The following PAK3 variants were observed in gnomAD, a reference collection of about 807,000 sequenced individuals.
PAK3 encodes serine/threonine-protein kinase PAK 3.
In PAK3, 4 loss-of-function variants were observed where a neutral mutation model predicts 41.0. That is an observed-to-expected ratio of 0.10 (90% CI 0.05 to 0.22). PAK3 has a LOEUF of 0.22. Ranked by LOEUF, PAK3 falls within the 10% of genes least tolerant of loss-of-function variation. The probability of loss-of-function intolerance (pLI) is 1.00; values close to 1 mark genes in which losing one functional copy is unlikely to be tolerated. For missense variants in PAK3, 205 were observed against 409.9 expected (o/e 0.50, Z 4.32); for synonymous variants, 146 against 139.6 (o/e 1.05, Z -0.32).
intron 13 of PAK3, among the ~76,000 whole-genome samples, chrX:111,194,033 CAG>C (rs950778804): frequency 1.8e-5 from 2 of 111,245 alleles, no homozygotes; most frequent in Non-Finnish European, 3.8e-5. Context: ...AGCAAGGTTT[CAG>C]AGAGACCTGA....
At chrX:111,217,225 G>T in intron 17 of PAK3, 1 of 167,954 alleles carries the variant, frequency 6.0e-6, no homozygotes, top group Non-Finnish European at 9.7e-6. Context: ...GGGCAGAGCT[G>T]GGATATGAGC....
chrX:111,050,701 C>T (rs2092549180), intron 1 of PAK3, among the ~76,000 whole-genome samples: 2 of 112,291 alleles, frequency 1.8e-5, no homozygotes, highest in African/African-American at 6.5e-5. Context: ...TTATTCTACC[C>T]TCTTTCTTTG....
At chrX:111,129,428 GC>G (rs1030227814) in intron 5 of PAK3, among the ~76,000 whole-genome samples, 1 of 111,298 alleles carries the variant, frequency 9.0e-6, no homozygotes, top group African/African-American at 3.3e-5. Flanking sequence ...GGAAATCACT[GC>G]CCTGCCCTTT....
chrX:111,147,499 C>T (rs1603301381), intron 6 of PAK3, among the ~76,000 whole-genome samples: 2 of 110,216 alleles, frequency 1.8e-5, no homozygotes, highest in Middle Eastern at 4.7e-3. Flanking sequence ...TTTTCTATCA[C>T]AGTCATACTC....
At chrX:110,967,974 A>T (rs1040750834) in intron 1 of PAK3, among the ~76,000 whole-genome samples, 1 of 112,355 alleles carries the variant, frequency 8.9e-6, no homozygotes, top group African/African-American at 3.2e-5. Flanking sequence ...TACTAGTCAC[A>T]TCCATTTTCC....
chrX:110,988,422 A>G (rs1333359172), intron 1 of PAK3, among the ~76,000 whole-genome samples: 1 of 112,398 alleles, frequency 8.9e-6, no homozygotes, highest in Non-Finnish European at 1.9e-5. Context: ...GTTTATAATT[A>G]CATATAATTT....
intron 1 of PAK3, among the ~76,000 whole-genome samples, chrX:110,970,220 G>A (rs1355618708): frequency 8.9e-6 from 1 of 111,877 alleles, no homozygotes; most frequent in African/African-American, 3.3e-5. Context: ...AGAAGTGTCT[G>A]TTAATATCCT....
chrX:111,113,067 T>C (rs1235353382), intron 4 of PAK3, among the ~76,000 whole-genome samples: 1 of 111,751 alleles, frequency 8.9e-6, no homozygotes, highest in Non-Finnish European at 1.9e-5. Flanking sequence ...GCTTGAAGTA[T>C]TCATTGGTTG....
chrX:110,993,530 G>T (rs1001755185), intron 1 of PAK3, among the ~76,000 whole-genome samples: 3 of 111,680 alleles, frequency 2.7e-5, no homozygotes, highest in Non-Finnish European at 5.6e-5. Flanking sequence ...AAATGAAAAA[G>T]TCTTGTGGCC....
Position 111,068,581 on chromosome X carries a change from C to T in PAK3, c.-27-54496C>T, listed in dbSNP as rs1321877176. ...CCTCCCAAAGTGCTGGGATTGCAGG[C>T]GTGAGCCACTGTGCCCGACCCATGG... On this transcript the variant is annotated intron_variant, in intron 1 of 14. Coordinates refer to the PAK3 transcript ENST00000425146. 8.0e-5 allele frequency among the ~76,000 whole-genome samples: 9 copies of T among 112,842 alleles called. No individual in the cohort carries two copies. The Admixed American group carries it at 8.4e-4, about 11-fold the overall frequency.
At chrX:111,046,623 C>A (rs377665873) in intron 1 of PAK3, among the ~76,000 whole-genome samples, 1 of 111,556 alleles carries the variant, frequency 9.0e-6, no homozygotes, top group African/African-American at 3.3e-5. Flanking sequence ...ACCTATGTAA[C>A]CTCGGACAAG....
At chrX:110,973,126 C>T (rs1602598673) in intron 1 of PAK3, among the ~76,000 whole-genome samples, 1 of 111,605 alleles carries the variant, frequency 9.0e-6, no homozygotes, top group Non-Finnish European at 1.9e-5. Context: ...TGGAACCAAG[C>T]TGGAAAACAC....
chrX:111,084,965 G>A (rs934615186), intron 1 of PAK3, among the ~76,000 whole-genome samples: 8 of 111,520 alleles, frequency 7.2e-5, no homozygotes, highest in African/African-American at 2.0e-4. Flanking sequence ...TCTCTGGGCC[G>A]ATATAGAAAC....
intron 1 of PAK3, among the ~76,000 whole-genome samples, chrX:111,006,851 T>TTCTTTCTTTCTTTCTTTC (rs1204073502): frequency 5.4e-5 from 5 of 92,382 alleles, no homozygotes; most frequent in African/African-American, 1.5e-4. Context: ...CTTTCTTTCT[T>TTCTTTCTTTCTTTCTTTC]TTTTTTTTTT....
chrX:111,089,005 A>G (rs766456879), intron 1 of PAK3, among the ~76,000 whole-genome samples: 1 of 111,827 alleles, frequency 8.9e-6, no homozygotes, highest in African/African-American at 3.2e-5. Flanking sequence ...CCCGAGAAAA[A>G]TATTGACATT....
chrX:111,154,484 A>G (rs922317211), intron 8 of PAK3, among the ~76,000 whole-genome samples: 3 of 111,654 alleles, frequency 2.7e-5, no homozygotes, highest in East Asian at 5.6e-4. Context: ...GTCTTGTGTG[A>G]ATATTAAATG....
At chrX:110,967,668 G>A (rs1467338519) in intron 1 of PAK3, among the ~76,000 whole-genome samples, 1 of 111,540 alleles carries the variant, frequency 9.0e-6, no homozygotes, top group African/African-American at 3.3e-5. Flanking sequence ...AAGACACTAC[G>A]GGCCAAGCAA....
In PAK3 at chrX:111,124,132, T is replaced by C. The variant is rs557969071; in HGVS notation, c.175+854T>C. ...AATAAATAGCTTTGTAGGTCACTTA[T>C]ATAGTGTTAATCAATCTACAATTCA... On this transcript the variant is annotated intron_variant, in intron 5 of 17. Transcript: ENST00000372007. Among the ~76,000 whole-genome samples, 110 of 111,992 alleles carry C rather than the reference T, an allele frequency of 9.8e-4. No homozygotes were observed. In the South Asian group the frequency reaches 0.039, roughly 40 times the overall value.
At chrX:111,004,001 A>C (rs924474722) in intron 1 of PAK3, among the ~76,000 whole-genome samples, 1 of 112,122 alleles carries the variant, frequency 8.9e-6, no homozygotes, top group South Asian at 3.7e-4. Flanking sequence ...TACCTGTGCT[A>C]TATCATATTG....
Sources: allele counts gnomAD v4.1 joint callset (sites outside exome capture counted in the v4.1 genomes callset), GRCh38; gene constraint gnomAD v4.1.1; transcripts MANE v1.5; gene names NCBI Gene and HGNC (gene_info 2026-07-23, HGNC 2026-07-21).